The following SPACA7 variants were observed in gnomAD, a reference collection of about 807,000 sequenced individuals.
SPACA7 encodes sperm acrosome-associated protein 7.
Under a neutral mutation model 26.3 loss-of-function variants are expected in SPACA7, and 19 were observed. That is an observed-to-expected ratio of 0.72 (90% confidence interval 0.50 to 1.06). The LOEUF (loss-of-function observed/expected upper bound fraction) is 1.06. Ranked by LOEUF, SPACA7 falls within the 50% of genes least tolerant of loss-of-function variation. SPACA7 has a pLI of 0.00. For synonymous variants in SPACA7, 84 were observed against 84.5 expected (o/e 0.99, Z 0.04); for missense variants, 211 against 229.9 (o/e 0.92, Z 0.53).
chr13:112,390,883 G>A (rs1334221976), intron 1 of SPACA7, among the ~76,000 whole-genome samples: 10 of 152,198 alleles, frequency 6.6e-5, no homozygotes, highest in Admixed American at 6.5e-4. Flanking sequence ...GACATCCAAA[G>A]GTGAAGCAGA....
At position 112,401,181 on chromosome 13, in the gene SPACA7, C is replaced by T. The variant is rs1176754473; in HGVS notation, c.445+17C>T. 3 of 1,593,742 alleles carry T rather than the reference C, an allele frequency of 1.9e-6. No homozygotes were observed. Among genetic ancestry groups the T allele is most frequent in the South Asian group, 2.2e-5 (2 of 90,626 alleles). ...CCAGTAAAGGTAAATGTGCCCTGCC[C>T]ACACTGAGAGCTCTGTGGGAGAGAC... On this transcript the variant is annotated intron_variant, in intron 5 of 6. Coordinates refer to ENST00000283550, the MANE Select transcript of SPACA7 (RefSeq NM_145248.5).
intron 6 of SPACA7, among the ~76,000 whole-genome samples, chr13:112,432,762 G>A (rs1181683247): frequency 6.6e-6 from 1 of 152,160 alleles, no homozygotes; most frequent in Non-Finnish European, 1.5e-5. Flanking sequence ...TCAGCTGAAT[G>A]GAACAGGGGA....
chr13:112,431,499 T>C (rs1343863946), intron 5 of SPACA7, among the ~76,000 whole-genome samples: 1 of 152,184 alleles, frequency 6.6e-6, no homozygotes, highest in Non-Finnish European at 1.5e-5. Context: ...ATTCATTTCC[T>C]ATAACATTAA....
chr13:112,434,582 G>A lies in SPACA7; in HGVS notation c.*33G>A. The A allele has an allele frequency of 6.4e-7, 1 of 1,558,082 alleles. No individual in the cohort carries two copies. Among genetic ancestry groups the A allele is most frequent in the Non-Finnish European group, 8.7e-7 (1 of 1,146,346 alleles). On this transcript the variant is annotated 3_prime_UTR_variant, in exon 7 of 7. Transcript: ENST00000283550. ...GCCCCAGACCCCCTGCGCAGGAGAG[G>A]AGCCTGCTAGAACCCCCACCCACCA...
At chr13:112,386,290 A>G (rs983861234) in intron 1 of SPACA7, among the ~76,000 whole-genome samples, 2 of 152,182 alleles carry the variant, frequency 1.3e-5, no homozygotes, top group African/African-American at 4.8e-5. Context: ...CTTAACTACT[A>G]TTAGCCACCC....
chr13:112,401,258 C>T (rs1594280061), intron 5 of SPACA7, 94 bp downstream of exon 5: 1 of 885,048 alleles, frequency 1.1e-6, no homozygotes, highest in East Asian at 2.4e-5. Flanking sequence ...GCCAGTATGC[C>T]TTGTTATGCC....
At chr13:112,405,116 G>A (rs1402946109) in intron 5 of SPACA7, among the ~76,000 whole-genome samples, 1 of 151,508 alleles carries the variant, frequency 6.6e-6, no homozygotes, top group Non-Finnish European at 1.5e-5. Flanking sequence ...CAGAGCAGCT[G>A]GGACTACAGG....
chr13:112,412,164 T>C (rs770834542), intron 5 of SPACA7, among the ~76,000 whole-genome samples: 7 of 152,238 alleles, frequency 4.6e-5, no homozygotes, highest in Non-Finnish European at 1.0e-4. Context: ...TGAGATGATA[T>C]CTCATTGTGG....
intron 5 of SPACA7, among the ~76,000 whole-genome samples, chr13:112,409,353 A>G (rs1465088374): frequency 2.0e-5 from 3 of 152,252 alleles, no homozygotes; most frequent in Non-Finnish European, 2.9e-5. Flanking sequence ...ACAAAAGCCA[A>G]AATTGACAAA....
intron 5 of SPACA7, among the ~76,000 whole-genome samples, chr13:112,408,723 A>T (rs1466184112): frequency 2.0e-5 from 3 of 152,162 alleles, no homozygotes; most frequent in African/African-American, 4.8e-5. Context: ...TAGGACACAA[A>T]CAAATGGAAG....
chr13:112,434,639 C>A lies in SPACA7; in HGVS notation c.*90C>A. The A allele has an allele frequency of 3.9e-6, 4 of 1,017,290 alleles. No individual in the cohort carries two copies. The highest frequency in any genetic ancestry group is 4.5e-6 in the Non-Finnish European group (3 of 666,274). 63.0% of individuals were successfully genotyped at this position (1,017,290 alleles called of 1,614,324 possible). On this transcript the variant is annotated 3_prime_UTR_variant, in exon 7 of 7. Transcript: ENST00000283550. Reference sequence around the variant, plus strand: ...GGAACAGGGCACTTGTGTGCACACGCCCACGTTCTCTGAACCATTCCACAT... The same window carrying A: ...GGAACAGGGCACTTGTGTGCACACGACCACGTTCTCTGAACCATTCCACAT...
chr13:112,425,268 A>AGTTGAAG (rs377476880), intron 5 of SPACA7, among the ~76,000 whole-genome samples: 118 of 152,354 alleles, frequency 7.7e-4, no homozygotes, highest in African/African-American at 2.8e-3. Context: ...TTGAAAAAAA[A>AGTTGAAG]GTTGAAGAAA....
chr13:112,377,927 G>A (rs543726983), intron 1 of SPACA7, among the ~76,000 whole-genome samples: 13 of 152,334 alleles, frequency 8.5e-5, no homozygotes, highest in Admixed American at 7.8e-4. Context: ...CGAATCCAGA[G>A]GGCAGTCTGT....
chr13:112,392,321 G>A (rs1012511775), intron 1 of SPACA7, among the ~76,000 whole-genome samples: 21 of 152,186 alleles, frequency 1.4e-4, no homozygotes, highest in Admixed American at 1.0e-3. Flanking sequence ...GGCAGCCGAG[G>A]CCACAGGTCA....
In SPACA7 at chr13:112,376,417, G is replaced by A. The variant is rs1199052563; in HGVS notation, c.32G>A (p.Cys11Tyr). Residue 11 changes from cysteine (C) to tyrosine (Y), a missense_variant, in exon 1 of 7, where the codon TGC becomes TAC. Coordinates refer to ENST00000283550, the MANE Select transcript of SPACA7 (RefSeq NM_145248.5). ...GTGAGCCAAGGAGACGGGACCCTCT[G>A]CTTTGTCCTCCTGCTGTGCTGTTGG... MAVSQGDGTL[C>Y]FVLLLCCWQE... 1 of 1,613,712 alleles carries A rather than the reference G, an allele frequency of 6.2e-7. No individual in the cohort carries two copies. Among genetic ancestry groups the A allele is most frequent in the Non-Finnish European group, 8.5e-7 (1 of 1,179,928 alleles).
At chr13:112,428,405 C>T (rs535041371) in intron 5 of SPACA7, among the ~76,000 whole-genome samples, 1 of 152,180 alleles carries the variant, frequency 6.6e-6, no homozygotes, top group Non-Finnish European at 1.5e-5. Flanking sequence ...AATGATGAAA[C>T]CCCATCTCTT....
intron 5 of SPACA7, among the ~76,000 whole-genome samples, chr13:112,412,363 C>A (rs1203226429): frequency 6.6e-6 from 1 of 151,222 alleles, no homozygotes; most frequent in African/African-American, 2.4e-5. Flanking sequence ...TAATTGATTT[C>A]TTGTCAGATG....
At chr13:112,432,694 C>T (rs914700526) in intron 6 of SPACA7, among the ~76,000 whole-genome samples, 173 bp downstream of exon 6, 1 of 152,200 alleles carries the variant, frequency 6.6e-6, no homozygotes, top group Non-Finnish European at 1.5e-5. Context: ...GAAACCTGAC[C>T]AGACAAGTCC....
chr13:112,432,251 T>A (rs570224723), intron 5 of SPACA7, among the ~76,000 whole-genome samples, 193 bp from the exon 6 acceptor site: 2 of 152,340 alleles, frequency 1.3e-5, no homozygotes, highest in South Asian at 4.1e-4. Context: ...TTTCTGGGGC[T>A]TGCTGGAGGA....
Sources: gnomAD v4.1 joint callset for allele counts (sites outside exome capture counted in the v4.1 genomes callset) on GRCh38, gnomAD v4.1.1 for gene constraint, MANE v1.5 for transcripts, NCBI Gene and HGNC (gene_info 2026-07-23, HGNC 2026-07-21) for gene names.